The following BRD4 variants were observed in gnomAD, a reference collection of about 807,000 sequenced individuals.
BRD4 encodes the protein bromodomain containing 4, also known as bromodomain-containing protein 4.
In BRD4, 16 loss-of-function variants were observed where a neutral mutation model predicts 142.1. The observed-to-expected ratio is 0.11, with a 90% CI of 0.08 to 0.17. The LOEUF (loss-of-function observed/expected upper bound fraction) is 0.17. Among genes scored for constraint, BRD4 ranks in the 10% least tolerant of loss-of-function variants. The pLI is 1.00. For missense variants in BRD4, 1,424 were observed against 1,810.9 expected (o/e 0.79, Z 3.88); for synonymous variants, 833 against 707.5 (o/e 1.18, Z -2.82).
chr19:15,241,256 C>T (rs533786412), intron 14 of BRD4, among the ~76,000 whole-genome samples: 1 of 152,334 alleles, frequency 6.6e-6, no homozygotes, highest in African/African-American at 2.4e-5. Flanking sequence ...GCCAGGGATC[C>T]ACAGGCACAT....
rs994644726 is a variant in BRD4, at chr19:15,241,681, C to T, written c.3169+1219G>A. Among the ~76,000 whole-genome samples the T allele has an allele frequency of 5.9e-5, 9 of 152,174 alleles. 1 individual carries two copies. Among genetic ancestry groups the T allele is most frequent in the Non-Finnish European group, 1.3e-4 (9 of 68,024 alleles). On this transcript the variant is annotated intron_variant, in intron 14 of 19. Coordinates refer to ENST00000679869, the MANE Select transcript of BRD4 (RefSeq NM_001379291.1). ...CTGTCTATCACCCCCAACAGGAGTC[C>T]AGCCCTGCTTCGCATGAGAACAGGC...
At chr19:15,316,660 G>C (rs1317541116) in intron 1 of BRD4, among the ~76,000 whole-genome samples, 1 of 152,188 alleles carries the variant, frequency 6.6e-6, no homozygotes, top group African/African-American at 2.4e-5. Flanking sequence ...TTCTCTAGCG[G>C]AAACTTTTTG....
At chr19:15,245,441 T>C (rs921703232) in intron 11 of BRD4, among the ~76,000 whole-genome samples, 2 of 152,140 alleles carry the variant, frequency 1.3e-5, no homozygotes, top group African/African-American at 4.8e-5. Context: ...AAGAGGTAGA[T>C]GGACCTCAGA....
intron 1 of BRD4, among the ~76,000 whole-genome samples, chr19:15,322,065 T>A (rs1478786073): frequency 6.6e-6 from 1 of 152,072 alleles, no homozygotes; most frequent in Admixed American, 6.6e-5. Flanking sequence ...TGCCATCAAG[T>A]AGCATGGAAA....
chr19:15,245,123 G>A (rs920864467), intron 11 of BRD4: 3 of 318,916 alleles, frequency 9.4e-6, no homozygotes, highest in East Asian at 7.6e-5. Context: ...ACAGCAACCT[G>A]CTCAGTTTTC....
chr19:15,325,576 T>C (rs2048100089), intron 1 of BRD4, among the ~76,000 whole-genome samples: 1 of 152,098 alleles, frequency 6.6e-6, no homozygotes, highest in African/African-American at 2.4e-5. Flanking sequence ...GGAAAAAATG[T>C]TTAAAATCTC....
At chr19:15,325,099 G>A (rs1004337561) in intron 1 of BRD4, among the ~76,000 whole-genome samples, 4 of 152,134 alleles carry the variant, frequency 2.6e-5, no homozygotes, top group African/African-American at 4.8e-5. Flanking sequence ...GGGCAAGGAC[G>A]GCAGTAGCTA....
intron 1 of BRD4, among the ~76,000 whole-genome samples, chr19:15,284,714 G>C (rs2047727836): frequency 6.6e-6 from 1 of 152,196 alleles, no homozygotes; most frequent in South Asian, 2.1e-4. Flanking sequence ...CTGCTGGAGA[G>C]GGATGCTTGG....
chr19:15,308,574 G>T (rs572311493), intron 1 of BRD4, among the ~76,000 whole-genome samples: 2 of 147,144 alleles, frequency 1.4e-5, no homozygotes, highest in East Asian at 2.0e-4. Context: ...GCAACAGAGC[G>T]AGAGTCTACC....
At chr19:15,279,841 T>C (rs1029200087) in intron 1 of BRD4, among the ~76,000 whole-genome samples, 4 of 152,220 alleles carry the variant, frequency 2.6e-5, no homozygotes, top group Admixed American at 6.5e-5. Context: ...AGCGGACCTC[T>C]TGAAACCCAG....
intron 3 of BRD4, 75 bp from the exon 4 acceptor site, chr19:15,267,626 A>G (rs1259290334): frequency 2.0e-6 from 2 of 1,005,680 alleles, no homozygotes; most frequent in Non-Finnish European, 2.6e-6. Flanking sequence ...ACCCCATGCC[A>G]CCCACCCCCT....
At chr19:15,318,217 G>T (rs1258475225) in intron 1 of BRD4, among the ~76,000 whole-genome samples, 1 of 152,028 alleles carries the variant, frequency 6.6e-6, no homozygotes, top group Non-Finnish European at 1.5e-5. Flanking sequence ...TAAAAGCCAA[G>T]ACCAATGGTA....
chr19:15,286,110 T>C (rs2047738098), intron 1 of BRD4, among the ~76,000 whole-genome samples: 1 of 152,108 alleles, frequency 6.6e-6, no homozygotes, highest in South Asian at 2.1e-4. Flanking sequence ...CACCAATTCT[T>C]CCCACGCCTC....
intron 1 of BRD4, among the ~76,000 whole-genome samples, chr19:15,279,588 G>A (rs953068467): frequency 1.3e-5 from 2 of 152,186 alleles, no homozygotes; most frequent in African/African-American, 4.8e-5. Flanking sequence ...CCTGTTCCCA[G>A]ACCAGGAAAG....
At chr19:15,247,795 G>A in intron 11 of BRD4, 1 of 232,768 alleles carries the variant, frequency 4.3e-6, no homozygotes, top group Admixed American at 5.6e-5. Context: ...TAGTTTGTTT[G>A]GCAAACAGAG....
At chr19:15,285,564 CAAAAAAAGAAAAAAA>C (rs1568398205) in intron 1 of BRD4, among the ~76,000 whole-genome samples, 753 of 148,844 alleles carry the variant, frequency 5.1e-3, no homozygotes, top group African/African-American at 0.018. Context: ...GACCCCATCT[CAAAAAAAGAAAAAAA>C]AATCTAAGGA....
intron 11 of BRD4, chr19:15,247,476 CAAG>C (rs1409631597): frequency 1.7e-5 from 4 of 233,106 alleles, no homozygotes; most frequent in African/African-American, 4.4e-5. Context: ...GCCCCACGGG[CAAG>C]AAGGACAGGG....
chr19:15,281,136 G>A (rs1213023476), intron 1 of BRD4, among the ~76,000 whole-genome samples: 3 of 152,218 alleles, frequency 2.0e-5, no homozygotes, highest in Non-Finnish European at 2.9e-5. Context: ...GCCAGACTGC[G>A]CCGCCTGGAG....
At chr19:15,253,354 G>C (rs951544965) in intron 11 of BRD4, 5 of 599,930 alleles carry the variant, frequency 8.3e-6, no homozygotes, top group African/African-American at 5.6e-5. Context: ...ACTTGGAGGA[G>C]AGCAGTCCCC....
Sources: allele counts gnomAD v4.1 joint callset (sites outside exome capture counted in the v4.1 genomes callset), GRCh38; gene constraint gnomAD v4.1.1; transcripts MANE v1.5; gene names NCBI Gene and HGNC (gene_info 2026-07-23, HGNC 2026-07-21).